SLC4A4: variants seen among roughly 807,000 people sequenced by gnomAD.
SLC4A4 encodes electrogenic sodium bicarbonate cotransporter 1.
A neutral mutation model predicts 111.5 loss-of-function variants in SLC4A4; 27 were observed. The observed-to-expected ratio is 0.24, with a 90% CI of 0.18 to 0.33. The LOEUF is 0.33. Among genes scored for constraint, SLC4A4 ranks in the 10% least tolerant of loss-of-function variants. SLC4A4 has a pLI of 1.00. For missense variants in SLC4A4, 909 were observed against 1,315.5 expected, an observed-to-expected ratio of 0.69 and a Z score of 4.78; for synonymous variants, 443 against 463.4, an observed-to-expected ratio of 0.96 and a Z score of 0.57.
intron 16 of SLC4A4, among the ~76,000 whole-genome samples, chr4:71,523,507 G>A (rs147553710): frequency 5.3e-4 from 81 of 152,210 alleles, no homozygotes; most frequent in African/African-American, 1.9e-3. Flanking sequence ...AAGAAAAATA[G>A]GTTGGGAGCA....
intron 3 of SLC4A4, among the ~76,000 whole-genome samples, chr4:71,310,289 A>G (rs1254345128): frequency 6.6e-6 from 1 of 152,170 alleles, no homozygotes; most frequent in East Asian, 1.9e-4. Flanking sequence ...AACCTCCCCA[A>G]CCTAGCAAGA....
chr4:71,372,558 T>A (rs1731988157), intron 6 of SLC4A4, among the ~76,000 whole-genome samples: 1 of 152,244 alleles, frequency 6.6e-6, no homozygotes, highest in African/African-American at 2.4e-5. Flanking sequence ...ATCTGAGCCC[T>A]TAGAAAACAC....
At chr4:71,465,372 G>T (rs1485768085) in intron 12 of SLC4A4, among the ~76,000 whole-genome samples, 1 of 151,040 alleles carries the variant, frequency 6.6e-6, no homozygotes, top group African/African-American at 2.4e-5. Flanking sequence ...ATGAATAAAG[G>T]GTTTCTGTCA....
rs531112291 is a variant in SLC4A4, at chr4:71,479,084, G to A, written c.1903+6114G>A. ...ATGAACTATAAAAGTAAGAAAAATA[G>A]CCTCAAAGGGATAGACACTATATTG... On this transcript the variant is annotated intron_variant, in intron 14 of 25. Coordinates refer to ENST00000264485, the MANE Select transcript of SLC4A4 (RefSeq NM_001098484.3). Among the ~76,000 whole-genome samples the A allele has an allele frequency of 3.7e-3, 564 of 151,748 alleles. 4 individuals carry two copies. The highest frequency in any genetic ancestry group is 0.013 in the African/African-American group (540 of 41,472).
intron 6 of SLC4A4, among the ~76,000 whole-genome samples, chr4:71,383,951 G>C (rs562072372): frequency 6.6e-6 from 1 of 152,244 alleles, no homozygotes; most frequent in African/African-American, 2.4e-5. Flanking sequence ...GTAATGTTAG[G>C]CAGGTCTGTG....
In SLC4A4 at chr4:71,070,783, A is replaced by T. The variant is rs548531730; in HGVS notation, c.-65+7995A>T. On this transcript the variant is annotated intron_variant, in intron 1 of 26. Transcript: ENST00000649996. ...AGAATGAGTGAAGATGAACCTAGAGATGTGACTGCAATGGAAACTGACTTT... is the reference window on the plus strand; with the variant it reads ...AGAATGAGTGAAGATGAACCTAGAGTTGTGACTGCAATGGAAACTGACTTT... Among the ~76,000 whole-genome samples, 356 of 152,322 alleles carry T rather than the reference A, an allele frequency of 2.3e-3. 1 individual carries two copies. The highest frequency in any genetic ancestry group is 8.7e-3 in the South Asian group (42 of 4,820).
At chr4:71,097,864 T>A (rs1742603453) in intron 2 of SLC4A4, among the ~76,000 whole-genome samples, 1 of 152,170 alleles carries the variant, frequency 6.6e-6, no homozygotes, top group Admixed American at 6.5e-5. Flanking sequence ...CACTTTTTCA[T>A]GGGATTGAAG....
chr4:71,366,342 T>TGTGTGTGTGTGA (rs1731314782), intron 6 of SLC4A4, among the ~76,000 whole-genome samples: 1 of 151,808 alleles, frequency 6.6e-6, no homozygotes, highest in Non-Finnish European at 1.5e-5. Flanking sequence ...TGTGTGTGTG[T>TGTGTGTGTGTGA]GTGTGTGTGT....
At chr4:71,157,446 A>T (rs545523128) in intron 2 of SLC4A4, among the ~76,000 whole-genome samples, 6 of 152,296 alleles carry the variant, frequency 3.9e-5, no homozygotes, top group African/African-American at 1.4e-4. Context: ...TCATTAAAAT[A>T]TATATTTCTG....
At chr4:71,339,711 G>A (rs1328595403) in intron 4 of SLC4A4, among the ~76,000 whole-genome samples, 2 of 152,048 alleles carry the variant, frequency 1.3e-5, no homozygotes, top group African/African-American at 4.8e-5. Context: ...CACTATTGGG[G>A]CATTGTTTCA....
intron 2 of SLC4A4, among the ~76,000 whole-genome samples, chr4:71,157,800 T>C (rs1217560545): frequency 1.3e-5 from 2 of 152,152 alleles, no homozygotes; most frequent in Non-Finnish European, 2.9e-5. Context: ...GGAGAAATGA[T>C]GAAACAGCGA....
intron 5 of SLC4A4, among the ~76,000 whole-genome samples, chr4:71,353,966 T>A (rs945545077): frequency 6.6e-6 from 1 of 152,232 alleles, no homozygotes; most frequent in Admixed American, 6.5e-5. Flanking sequence ...ATTCAGCCTA[T>A]TTTTGATTCT....
At chr4:71,346,006 G>A (rs980906367) in intron 4 of SLC4A4, among the ~76,000 whole-genome samples, 1 of 151,992 alleles carries the variant, frequency 6.6e-6, no homozygotes, top group South Asian at 2.1e-4. Flanking sequence ...ATAGTTGTAC[G>A]TAGTTGGAAT....
chr4:71,357,328 A>G, intron 6 of SLC4A4, 141 bp downstream of exon 6: 3 of 846,998 alleles, frequency 3.5e-6, no homozygotes, highest in Admixed American at 2.1e-5. Context: ...TCATATTGAC[A>G]TTTTTAATCC....
chr4:71,093,092 C>T (rs1023644866), intron 2 of SLC4A4, among the ~76,000 whole-genome samples: 3 of 149,958 alleles, frequency 2.0e-5, no homozygotes, highest in Non-Finnish European at 2.9e-5. Flanking sequence ...GAGACTTTGT[C>T]TCAAAAATAA....
chr4:71,272,810 G>T (rs141303963), intron 3 of SLC4A4, among the ~76,000 whole-genome samples: 31 of 152,098 alleles, frequency 2.0e-4, no homozygotes, highest in African/African-American at 7.2e-4. Flanking sequence ...TTATTTTATG[G>T]GGTCTCTGAG....
intron 1 of SLC4A4, among the ~76,000 whole-genome samples, chr4:71,202,541 G>C (rs2256365): frequency 6.6e-6 from 1 of 152,180 alleles, no homozygotes; most frequent in East Asian, 1.9e-4. Context: ...GTGTGAACAT[G>C]TCTTCTGTTT....
rs1026924834 is a variant in SLC4A4 at position 71,534,529 on chromosome 4, A to T, written c.2442+141A>T. ...TTAAGAGTCCGCAGAACCAGAGATCACTTTGTATTGGTACATGTCTTCAAT... is the reference window on the plus strand; with the variant it reads ...TTAAGAGTCCGCAGAACCAGAGATCTCTTTGTATTGGTACATGTCTTCAAT... On this transcript the variant is annotated intron_variant, in intron 18 of 25. Transcript: ENST00000264485. 3 of 726,256 alleles carry T rather than the reference A, an allele frequency of 4.1e-6. No individual in the cohort carries two copies. The South Asian group carries it at 4.7e-5, about 11-fold the overall frequency. The allele number at this position is 726,256 out of a possible 1,614,324, so 45.0% of individuals were successfully genotyped here. A position where few individuals can be genotyped will look rare whatever the true frequency, so the allele number is the denominator to read the frequency against.
chr4:71,386,572 T>C (rs1352438004), intron 6 of SLC4A4, among the ~76,000 whole-genome samples: 1 of 151,918 alleles, frequency 6.6e-6, no homozygotes, highest in Admixed American at 6.5e-5. Flanking sequence ...AACAGTTTTA[T>C]TGAGGTTTTT....
Sources: gnomAD v4.1 joint callset for allele counts (sites outside exome capture counted in the v4.1 genomes callset) on GRCh38, gnomAD v4.1.1 for gene constraint, MANE v1.5 for transcripts, NCBI Gene and HGNC (gene_info 2026-07-23, HGNC 2026-07-21) for gene names.